Variants in CACNG1 observed in about 807,000 individuals in gnomAD.
CACNG1 encodes voltage-dependent calcium channel gamma-1 subunit.
A neutral mutation model predicts 22.0 loss-of-function variants in CACNG1; 21 were observed. The ratio of observed to expected loss-of-function variants is 0.95; its 90% CI spans 0.68 to 1.37. CACNG1 has a LOEUF of 1.37. CACNG1 is among the 40% of genes most tolerant of loss of function. The pLI is 0.00. For missense variants in CACNG1, 291 were observed against 308.6 expected, an observed-to-expected ratio of 0.94 and a Z score of 0.43; for synonymous variants, 127 against 129.2, an observed-to-expected ratio of 0.98 and a Z score of 0.12.
intron 1 of CACNG1, among the ~76,000 whole-genome samples, chr17:67,048,616 G>A (rs2035711307): frequency 6.6e-6 from 1 of 152,014 alleles, no homozygotes; most frequent in Non-Finnish European, 1.5e-5. Context: ...GGACTTACTA[G>A]ACAAAAACTT....
At chr17:67,051,965 T>C (rs914567233) in intron 1 of CACNG1, among the ~76,000 whole-genome samples, 1 of 152,190 alleles carries the variant, frequency 6.6e-6, no homozygotes, top group Admixed American at 6.5e-5. Flanking sequence ...GACCATGAAA[T>C]ACACTTGAAT....
chr17:67,048,326 C>CA (rs80024812), intron 1 of CACNG1, among the ~76,000 whole-genome samples: 1,562 of 133,076 alleles, frequency 0.012, 15 homozygotes, highest in South Asian at 0.025. Flanking sequence ...AAAAAAAAAA[C>CA]AAAAAAAAAA....
chr17:67,046,193 ACT>A (rs2035696086), intron 1 of CACNG1, among the ~76,000 whole-genome samples: 3 of 152,026 alleles, frequency 2.0e-5, no homozygotes, highest in Admixed American at 2.0e-4. Context: ...TATGGGACTG[ACT>A]CTCAGCAACG....
chr17:67,053,795 T>C (rs532777246), intron 1 of CACNG1, among the ~76,000 whole-genome samples: 2 of 152,220 alleles, frequency 1.3e-5, no homozygotes, highest in African/African-American at 4.8e-5. Flanking sequence ...CTCCCAGCCC[T>C]GCAGGCAACC....
rs533382986 is a variant in CACNG1 at position 67,044,838 on chromosome 17, C to G, written c.178C>G (p.Arg60Gly). The G allele has an allele frequency of 2.5e-6, 4 of 1,613,444 alleles. No individual in the cohort carries two copies. The highest frequency in any genetic ancestry group is 3.4e-6 in the Non-Finnish European group (4 of 1,180,030). Residue 60 changes from arginine to glycine, a missense_variant, in exon 1 of 4, where the codon CGC becomes GGC. Physicochemically the swap from Arg to Gly is moderately radical, Grantham distance 125 (BLOSUM62 -2). Coordinates refer to ENST00000226021, the MANE Select transcript of CACNG1 (RefSeq NM_000727.4). This position sits in a 1 kb window ranked among gnomAD's most constrained non-coding sequence, Gnocchi z 6.9. The stretch of plus-strand genomic sequence containing the variant: ...CGGCCTCTGGCGGATTTGTACCAAG[C>G]GCATCCCCATGGACGACAGCAAGAC... ...HFGLWRICTKRIPMDDSKTCG... is the reference protein window; with the variant it reads ...HFGLWRICTKGIPMDDSKTCG...
intron 1 of CACNG1, among the ~76,000 whole-genome samples, chr17:67,050,804 A>C (rs772652713): frequency 6.6e-6 from 1 of 152,198 alleles, no homozygotes; most frequent in Non-Finnish European, 1.5e-5. Flanking sequence ...TCCATCCCCC[A>C]GTCAAGTCTG....
At position 67,053,980 on chromosome 17, in the gene CACNG1, G is replaced by A. The variant is rs911725815; in HGVS notation, c.230-16G>A. 1 of 1,609,434 alleles carries A rather than the reference G, an allele frequency of 6.2e-7. No individual in the cohort carries two copies. Among genetic ancestry groups the A allele is most frequent in the Non-Finnish European group, 8.5e-7 (1 of 1,175,686 alleles). On this transcript the variant is annotated splice_polypyrimidine_tract_variant and intron_variant, in intron 1 of 3. Coordinates refer to ENST00000226021, the MANE Select transcript of CACNG1 (RefSeq NM_000727.4). ...GGTTGCTCCCCTCAACTCACAGTCT[G>A]TCTCCTCCTTTGCAGAGAAGAACTG...
At chr17:67,049,480 G>T (rs1023881158) in intron 1 of CACNG1, among the ~76,000 whole-genome samples, 3 of 152,098 alleles carry the variant, frequency 2.0e-5, no homozygotes, top group Non-Finnish European at 4.4e-5. Context: ...CCAGTGAGTG[G>T]GTTCTTATTC....
rs1267277008 is a variant in CACNG1, at chr17:67,056,122, A to G, written c.520A>G (p.Ile174Val). Reference sequence around the variant, plus strand: ...GATTGACAGTGAGGACACCGTCTGGATCGAGTACTATTACTCCTGGTCCTT... The same window carrying G: ...GATTGACAGTGAGGACACCGTCTGGGTCGAGTACTATTACTCCTGGTCCTT... Reference protein sequence around the residue: ...RMIDSEDTVWIEYYYSWSFAC... With the variant: ...RMIDSEDTVWVEYYYSWSFAC... The change falls in exon 4 of 4, where the codon ATC (isoleucine) becomes GTC (valine). Residue 174 changes from isoleucine (I) to valine (V), a missense_variant. By Grantham distance (29) the Ile-to-Val change is conservative (BLOSUM62 3). Transcript: ENST00000226021. This position sits in a 1 kb window ranked among gnomAD's most constrained non-coding sequence, Gnocchi z 4.3. 5 of 1,613,252 alleles carry G rather than the reference A, an allele frequency of 3.1e-6. No homozygotes were observed. Among genetic ancestry groups the G allele is most frequent in the Non-Finnish European group, 4.2e-6 (5 of 1,179,910 alleles).
Position 67,056,033 on chromosome 17 carries a change from C to T in CACNG1, c.443-12C>T, listed in dbSNP as rs760218031. The stretch of plus-strand genomic sequence containing the variant: ...CCCCTCGGTCCCTGAGCATGCCTGG[C>T]TCTGCCCCCAGGTCTCTGCATCCTC... On this transcript the variant is annotated splice_polypyrimidine_tract_variant and intron_variant, in intron 3 of 3. Transcript: ENST00000226021. This position sits in a 1 kb window ranked among gnomAD's most constrained non-coding sequence, Gnocchi z 4.3. 3 of 1,603,752 alleles carry T rather than the reference C, an allele frequency of 1.9e-6. No homozygotes were observed. Among genetic ancestry groups the T allele is most frequent in the Non-Finnish European group, 2.6e-6 (3 of 1,175,818 alleles).
Position 67,054,087 on chromosome 17 carries a change from A to G in CACNG1, c.304+17A>G, listed in dbSNP as rs968109408. On this transcript the variant is annotated intron_variant, in intron 2 of 3. Coordinates refer to ENST00000226021, the MANE Select transcript of CACNG1 (RefSeq NM_000727.4). This position sits in a 1 kb window ranked among gnomAD's most constrained non-coding sequence, Gnocchi z 4.6. ...CTCAGAAGGGTGAGCCTGGGTGGAA[A>G]GGGGTCTGGGGTGACAAGAGGGGAC... The G allele has an allele frequency of 8.7e-6, 14 of 1,610,646 alleles. No individual in the cohort carries two copies. The African/African-American group carries it at 1.3e-4, about 15-fold the overall frequency.
Position 67,055,206 on chromosome 17 carries a change from G to A in CACNG1, c.408G>A (p.Leu136=). The A allele has an allele frequency of 6.2e-7, 1 of 1,614,188 alleles. No individual in the cohort carries two copies. Among genetic ancestry groups the A allele is most frequent in the Non-Finnish European group, 8.5e-7 (1 of 1,180,006 alleles). ...CCCTCGGGAAGAAGAGGGACTATCT[G>A]CTGCGACCCGCGTCCATGTTCTATG... ...LLSLGKKRDY[L]LRPASMFYAF... is the part of the protein sequence containing the mutation. The change falls in exon 3 of 4, where the codon CTG becomes CTA. Residue 136 remains leucine (L), a synonymous_variant. Transcript: ENST00000226021. The surrounding 1 kb of genome is among the most constrained non-coding windows in gnomAD (Gnocchi z 4.5).
In CACNG1 at chr17:67,054,859, GAC is replaced by G. The variant is rs747059190; in HGVS notation, c.305-240_305-239del. 9.4e-5 allele frequency among the ~76,000 whole-genome samples: 14 copies of G among 149,478 alleles called. No individual in the cohort carries two copies. The highest frequency in any genetic ancestry group is 7.4e-5 in the Non-Finnish European group (5 of 67,440). ...ACACTGACACACACGTACAATGACA[GAC>G]ACAGAGACACACACTGACACATATG... On this transcript the variant is annotated intron_variant, in intron 2 of 3. Coordinates refer to ENST00000226021, the MANE Select transcript of CACNG1 (RefSeq NM_000727.4). This position sits in a 1 kb window ranked among gnomAD's most constrained non-coding sequence, Gnocchi z 4.6.
At chr17:67,049,698 C>T (rs1019751507) in intron 1 of CACNG1, among the ~76,000 whole-genome samples, 1 of 152,152 alleles carries the variant, frequency 6.6e-6, no homozygotes, top group African/African-American at 2.4e-5. Flanking sequence ...GCCTCCTTTC[C>T]CTCCAGTTCC....
Position 67,055,006 on chromosome 17 carries a change from C to A in CACNG1, c.305-97C>A, listed in dbSNP as rs114771855. On this transcript the variant is annotated intron_variant, in intron 2 of 3. Coordinates refer to ENST00000226021, the MANE Select transcript of CACNG1 (RefSeq NM_000727.4). This position sits in a 1 kb window ranked among gnomAD's most constrained non-coding sequence, Gnocchi z 4.5. ...ACACACACAATGACACACACAGACA[C>A]TGACACACACACTGTGGTGCATGGT... 7.8e-7 allele frequency: 1 copy of A among 1,275,918 alleles called. No individual in the cohort carries two copies. Among genetic ancestry groups the A allele is most frequent in the Admixed American group, 2.0e-5 (1 of 49,590 alleles). 79.0% of individuals were successfully genotyped at this position (1,275,918 alleles called of 1,614,324 possible).
At chr17:67,049,396 C>G (rs1190141489) in intron 1 of CACNG1, among the ~76,000 whole-genome samples, 1 of 152,140 alleles carries the variant, frequency 6.6e-6, no homozygotes, top group Non-Finnish European at 1.5e-5. Context: ...AGGTGATGAG[C>G]AGAGCAGCCA....
chr17:67,054,984 CACACA>C lies in CACNG1; in HGVS notation c.305-117_305-113del, dbSNP rs2035751897. On this transcript the variant is annotated intron_variant, in intron 2 of 3. Transcript: ENST00000226021. This position sits in a 1 kb window ranked among gnomAD's most constrained non-coding sequence, Gnocchi z 4.6. ...GACACAGAGACACACACTTGACACACACACAATGACACACACAGACACTGACACAC... is the reference window on the plus strand; with the variant it reads ...GACACAGAGACACACACTTGACACACATGACACACACAGACACTGACACAC... 1.0e-6 allele frequency: 1 copy of C among 1,001,818 alleles called. No individual in the cohort carries two copies. Among genetic ancestry groups the C allele is most frequent in the Middle Eastern group, 2.2e-4 (1 of 4,494 alleles). 62.1% of individuals were successfully genotyped at this position (1,001,818 alleles called of 1,614,324 possible). A position where few individuals can be genotyped will look rare whatever the true frequency, so the allele number is the denominator to read the frequency against.
At position 67,056,249 on chromosome 17, in the gene CACNG1, T is replaced by A. The variant is rs747995880; in HGVS notation, c.647T>A (p.Met216Lys). Reference protein sequence around the residue: ...RMPRNPWESCMDAEPEH With the variant: ...RMPRNPWESCKDAEPEH ...CCCCGGAACCCATGGGAGTCCTGCA[T>A]GGATGCTGAGCCCGAGCACTAACCC... The change falls in exon 4 of 4, where the codon ATG (methionine) becomes AAG (lysine). Residue 216 changes from methionine (M) to lysine (K), a missense_variant. Transcript: ENST00000226021. The surrounding 1 kb of genome is among the most constrained non-coding windows in gnomAD (Gnocchi z 4.3). The A allele has an allele frequency of 3.1e-6, 5 of 1,613,962 alleles. 1 individual carries two copies. The highest frequency in any genetic ancestry group is 4.2e-6 in the Non-Finnish European group (5 of 1,179,996).
At chr17:67,051,577 A>G (rs997285852) in intron 1 of CACNG1, among the ~76,000 whole-genome samples, 4 of 152,202 alleles carry the variant, frequency 2.6e-5, no homozygotes, top group African/African-American at 9.7e-5. Context: ...TACCCTGAGA[A>G]GGAATCCTAC....
Sources: allele counts gnomAD v4.1 joint callset (sites outside exome capture counted in the v4.1 genomes callset), GRCh38; gene constraint gnomAD v4.1.1; non-coding constraint Gnocchi (gnomAD v3.1); transcripts MANE v1.5; gene names NCBI Gene and HGNC (gene_info 2026-07-23, HGNC 2026-07-21).